The following CNOT11 variants were observed in gnomAD, a reference collection of about 807,000 sequenced individuals.
CNOT11 encodes UPF0760 protein C2orf29.
A neutral mutation model predicts 44.6 loss-of-function variants in CNOT11; 18 were observed. The ratio of observed to expected loss-of-function variants is 0.40; its 90% CI spans 0.28 to 0.60. The LOEUF is 0.60. Among genes scored for constraint, CNOT11 ranks in the 20% least tolerant of loss-of-function variants. CNOT11 has a pLI of 0.38. For synonymous variants in CNOT11, 291 were observed against 270.9 expected, an observed-to-expected ratio of 1.07 and a Z score of -0.73; for missense variants, 513 against 677.0, an observed-to-expected ratio of 0.76 and a Z score of 2.69.
In CNOT11 at chr2:101,266,535, A is replaced by C; in HGVS notation, c.1036-142A>C. On this transcript the variant is annotated intron_variant, in intron 4 of 6. Coordinates refer to ENST00000289382, the MANE Select transcript of CNOT11 (RefSeq NM_017546.5). ...TGTCAAGACATCATGGGTTTGAAGG[A>C]AGAAATTTATGAAGTTGGTTCAATG... is the stretch of plus-strand genomic sequence containing the variant. The C allele has an allele frequency of 1.5e-5, 10 of 646,360 alleles. No individual in the cohort carries two copies. The South Asian group carries it at 1.9e-4, about 12-fold the overall frequency. 40.0% of individuals were successfully genotyped at this position (646,360 alleles called of 1,614,324 possible).
At chr2:101,262,482 C>A in intron 2 of CNOT11, 57 bp from the exon 3 acceptor site, 8 of 1,532,560 alleles carry the variant, frequency 5.2e-6, no homozygotes, top group Non-Finnish European at 1.8e-6. Context: ...CAGTTGGTAG[C>A]TTGTCTTTTC....
Position 101,253,170 on chromosome 2 carries a change from C to G in CNOT11, c.206C>G (p.Ser69Trp), listed in dbSNP as rs373337293. 17 of 1,593,892 alleles carry G rather than the reference C, an allele frequency of 1.1e-5. No individual in the cohort carries two copies. Among genetic ancestry groups the G allele is most frequent in the Non-Finnish European group, 1.5e-5 (17 of 1,172,354 alleles). Reference protein sequence around the residue: ...GRMSLTPKELSSLLSIISEEA... With the variant: ...GRMSLTPKELWSLLSIISEEA... ...ATGAGCTTGACCCCGAAGGAGCTCTCGAGCCTGCTGAGCATCATATCGGAG... is the reference window on the plus strand; with the variant it reads ...ATGAGCTTGACCCCGAAGGAGCTCTGGAGCCTGCTGAGCATCATATCGGAG... Residue 69 changes from serine (S) to tryptophan (W), a missense_variant, in exon 1 of 7, where the codon TCG becomes TGG. Coordinates refer to ENST00000289382, the MANE Select transcript of CNOT11 (RefSeq NM_017546.5). This position sits in a 1 kb window ranked among gnomAD's most constrained non-coding sequence, Gnocchi z 4.3.
chr2:101,268,162 C>T (rs1232104210), intron 5 of CNOT11, among the ~76,000 whole-genome samples: 1 of 151,968 alleles, frequency 6.6e-6, no homozygotes, highest in Non-Finnish European at 1.5e-5. Flanking sequence ...CTGGCAAAAC[C>T]GGCTAGCTGC....
rs760294301 is a variant in CNOT11 at position 101,269,232 on chromosome 2, TTG to T, written c.1362_1363del (p.Phe455SerfsTer7). 1 of 1,611,818 alleles carries T rather than the reference TTG, an allele frequency of 6.2e-7. No homozygotes were observed. The highest frequency in any genetic ancestry group is 8.5e-7 in the Non-Finnish European group (1 of 1,178,134). On this transcript the variant is annotated frameshift_variant, in exon 7 of 7. Transcript: ENST00000289382. LOFTEE classifies it high-confidence loss of function. This position sits in a 1 kb window ranked among gnomAD's most constrained non-coding sequence, Gnocchi z 4.8. The stretch of plus-strand genomic sequence containing the variant: ...CTTTTTCAGAATCGGTTGGTGCGTC[TTG>T]TGTGTGTGTTTCTCCAATCCTTGAT...
intron 1 of CNOT11, among the ~76,000 whole-genome samples, chr2:101,255,501 A>T (rs1297687254): frequency 6.6e-6 from 1 of 152,206 alleles, no homozygotes; most frequent in African/African-American, 2.4e-5. Context: ...TCTCAAAAAA[A>T]AAAAAAGTAC....
chr2:101,268,644 T>C (rs940038043), intron 5 of CNOT11, among the ~76,000 whole-genome samples: 3 of 152,206 alleles, frequency 2.0e-5, no homozygotes, highest in African/African-American at 7.2e-5. Flanking sequence ...TGGAAATTCA[T>C]ACTTTGAGTA....
rs1418707921 is a variant in CNOT11, at chr2:101,252,916, C to G, written c.-49C>G. 4 of 1,386,250 alleles carry G rather than the reference C, an allele frequency of 2.9e-6. No homozygotes were observed. The highest frequency in any genetic ancestry group is 1.6e-5 in the South Asian group (1 of 62,338). 85.9% of individuals were successfully genotyped at this position (1,386,250 alleles called of 1,614,324 possible). A position where few individuals can be genotyped will look rare whatever the true frequency, so the allele number is the denominator to read the frequency against. ...TTACGGCCGCGGGGACGGAGCGAGCCGGCGCCAGGGCCCCTCGGGCCGGGA... is the reference window on the plus strand; with the variant it reads ...TTACGGCCGCGGGGACGGAGCGAGCGGGCGCCAGGGCCCCTCGGGCCGGGA... On this transcript the variant is annotated 5_prime_UTR_variant, in exon 1 of 7. Transcript: ENST00000289382.
At chr2:101,259,915 T>C (rs1681814991) in intron 2 of CNOT11, among the ~76,000 whole-genome samples, 1 of 151,932 alleles carries the variant, frequency 6.6e-6, no homozygotes, top group Non-Finnish European at 1.5e-5. Flanking sequence ...GGTATGGTGG[T>C]GTGTGCACTT....
chr2:101,258,838 C>T (rs1037558675), intron 2 of CNOT11, among the ~76,000 whole-genome samples: 1 of 150,966 alleles, frequency 6.6e-6, no homozygotes, highest in African/African-American at 2.4e-5. Context: ...AAAGAAAAAT[C>T]CATCTTTAAA....
At chr2:101,255,311 C>T (rs984480774) in intron 1 of CNOT11, among the ~76,000 whole-genome samples, 15 of 151,736 alleles carry the variant, frequency 9.9e-5, no homozygotes, top group East Asian at 1.9e-4. Context: ...TTGGCTAACA[C>T]GGTGAAACCC....
At position 101,269,043 on chromosome 2, in the gene CNOT11, A is replaced by G. The variant is rs1461909912; in HGVS notation, c.1242A>G (p.Leu414=). 1.2e-5 allele frequency: 19 copies of G among 1,596,038 alleles called. No individual in the cohort carries two copies. The highest frequency in any genetic ancestry group is 1.1e-4 in the African/African-American group (8 of 74,180). The change falls in exon 6 of 7, where the codon CTA becomes CTG. Residue 414 remains leucine (L), a synonymous_variant. Transcript: ENST00000289382. This position sits in a 1 kb window ranked among gnomAD's most constrained non-coding sequence, Gnocchi z 4.8. The part of the protein sequence containing the change: ...SLHSMEVVNR[L]TTAVDLPPEF... ...CAAATTTTCTTTTACGAAACAGACTAACTACAGCTGTTGATCTACCTCCTG... is the reference window on the plus strand; with the variant it reads ...CAAATTTTCTTTTACGAAACAGACTGACTACAGCTGTTGATCTACCTCCTG...
intron 4 of CNOT11, 43 bp from the exon 5 acceptor site, chr2:101,266,634 T>TTC: frequency 6.7e-7 from 1 of 1,493,702 alleles, no homozygotes; most frequent in African/African-American, 1.4e-5. Context: ...TCAACACCCT[T>TTC]TCTCTCTCCC....
intron 4 of CNOT11, among the ~76,000 whole-genome samples, 190 bp from the exon 5 acceptor site, chr2:101,266,487 A>C (rs576562599): frequency 6.6e-6 from 1 of 152,248 alleles, no homozygotes; most frequent in Non-Finnish European, 1.5e-5. Flanking sequence ...AGTTTGTTCA[A>C]AATTAAAATG....
intron 4 of CNOT11, 119 bp from the exon 5 acceptor site, chr2:101,266,558 A>G (rs902016133): frequency 6.9e-6 from 5 of 723,076 alleles, no homozygotes; most frequent in Non-Finnish European, 7.2e-6. Flanking sequence ...AGTTGGTTCA[A>G]TGCAGATAGT....
chr2:101,267,412 G>C (rs1682011982), intron 5 of CNOT11, among the ~76,000 whole-genome samples: 2 of 152,182 alleles, frequency 1.3e-5, no homozygotes, highest in African/African-American at 4.8e-5. Context: ...ATGAGCCAGT[G>C]TGCCAGCCAA....
chr2:101,265,228 G>A (rs1176123335), intron 4 of CNOT11, among the ~76,000 whole-genome samples, 181 bp downstream of exon 4: 1 of 152,098 alleles, frequency 6.6e-6, no homozygotes, highest in Non-Finnish European at 1.5e-5. Context: ...AGCGCCCCCA[G>A]CAGCTGAGAC....
In CNOT11 at chr2:101,253,528, C is replaced by CT. The variant is rs944831443; in HGVS notation, c.514+53dup. 9.7e-5 allele frequency: 133 copies of CT among 1,371,756 alleles called. No individual in the cohort carries two copies. The highest frequency in any genetic ancestry group is 1.2e-4 in the Non-Finnish European group (132 of 1,057,642). 85.0% of individuals were successfully genotyped at this position (1,371,756 alleles called of 1,614,324 possible). A position where few individuals can be genotyped will look rare whatever the true frequency, so the allele number is the denominator to read the frequency against. ...GTGTGGATAGCGTTAGATTCCGCAGCTTTCCACCTGCGCTGCTGGGAACTC... is the reference window on the plus strand; with the variant it reads ...GTGTGGATAGCGTTAGATTCCGCAGCTTTTCCACCTGCGCTGCTGGGAACTC... On this transcript the variant is annotated intron_variant, in intron 1 of 6. Coordinates refer to ENST00000289382, the MANE Select transcript of CNOT11 (RefSeq NM_017546.5). The surrounding 1 kb of genome is among the most constrained non-coding windows in gnomAD (Gnocchi z 4.3).
rs780507582 is a variant in CNOT11 at position 101,253,122 on chromosome 2, G to C, written c.158G>C (p.Gly53Ala). ...AGCGGCCCCGGGTCCGGGAGCGGAG[G>C]CCCGGGGGGCCCCGCGGGCAGGATG... ...GASGPGSGSG[G>A]PGGPAGRMSL... Residue 53 changes from glycine (G) to alanine (A), a missense_variant, in exon 1 of 7, where the codon GGC (glycine) becomes GCC (alanine). Transcript: ENST00000289382. This position sits in a 1 kb window ranked among gnomAD's most constrained non-coding sequence, Gnocchi z 4.3. 1.4e-5 allele frequency: 22 copies of C among 1,537,942 alleles called. No individual in the cohort carries two copies. Among genetic ancestry groups the C allele is most frequent in the Non-Finnish European group, 1.9e-5 (22 of 1,149,984 alleles).
chr2:101,253,105 C>T lies in CNOT11; in HGVS notation c.141C>T (p.Pro47=), dbSNP rs1192317571. The change falls in exon 1 of 7, where the codon CCC becomes CCT. Residue 47 remains proline, a synonymous_variant. Coordinates refer to ENST00000289382, the MANE Select transcript of CNOT11 (RefSeq NM_017546.5). This position sits in a 1 kb window ranked among gnomAD's most constrained non-coding sequence, Gnocchi z 4.3. Reference sequence around the variant, plus strand: ...GCGGCAGAGGCGGAGCAAGCGGCCCCGGGTCCGGGAGCGGAGGCCCGGGGG... The same window carrying T: ...GCGGCAGAGGCGGAGCAAGCGGCCCTGGGTCCGGGAGCGGAGGCCCGGGGG... ...SGGGRGGASG[P]GSGSGGPGGP... The T allele has an allele frequency of 2.0e-6, 3 of 1,518,470 alleles. No individual in the cohort carries two copies. The South Asian group carries it at 3.7e-5, about 19-fold the overall frequency. 94.1% of individuals were successfully genotyped at this position (1,518,470 alleles called of 1,614,324 possible).
Sources: gnomAD v4.1 joint callset for allele counts (sites outside exome capture counted in the v4.1 genomes callset) on GRCh38, gnomAD v4.1.1 for gene constraint, Gnocchi (gnomAD v3.1) non-coding constraint, MANE v1.5 for transcripts, NCBI Gene and HGNC (gene_info 2026-07-23, HGNC 2026-07-21) for gene names.